The following PCDHGA4 variants were observed in gnomAD, a reference collection of about 807,000 sequenced individuals.
PCDHGA4 encodes the protein protocadherin gamma-A4.
A neutral mutation model predicts 54.6 loss-of-function variants in PCDHGA4; 38 were observed. The observed-to-expected ratio is 0.70, with a 90% confidence interval of 0.54 to 0.91. The LOEUF (loss-of-function observed/expected upper bound fraction) is 0.91, where lower values mean the gene tolerates loss of function less well. Among genes scored for constraint, PCDHGA4 ranks in the 40% least tolerant of loss-of-function variants. PCDHGA4 has a pLI of 0.00. For synonymous variants in PCDHGA4, 511 were observed against 512.9 expected (o/e 1.00, Z 0.05); for missense variants, 1,298 against 1,220.9 (o/e 1.06, Z -0.94).
In PCDHGA4 at chr5:141,431,221, A is replaced by T; in HGVS notation, c.2515-63586A>T. 6.2e-7 allele frequency: 1 copy of T among 1,614,124 alleles called. No homozygotes were observed. The highest frequency in any genetic ancestry group is 8.5e-7 in the Non-Finnish European group (1 of 1,180,026). On this transcript the variant is annotated intron_variant, in intron 1 of 3. Transcript: ENST00000571252. The surrounding 1 kb of genome is among the most constrained non-coding windows in gnomAD (Gnocchi z 4.8). Reference sequence around the variant, plus strand: ...CAGCCACTGAGATGCGGTTCCCTCTACCCCACGCCTGGGATCCGGATATCG... The same window carrying T: ...CAGCCACTGAGATGCGGTTCCCTCTTCCCCACGCCTGGGATCCGGATATCG...
intron 1 of PCDHGA4, chr5:141,415,234 A>G: frequency 1.2e-6 from 2 of 1,614,136 alleles, no homozygotes; most frequent in Non-Finnish European, 1.7e-6. Context: ...GTCTCCAGCT[A>G]ACTCTGAAAC....
chr5:141,495,900 G>A (rs1403705200), intron 2 of PCDHGA4, among the ~76,000 whole-genome samples: 2 of 151,894 alleles, frequency 1.3e-5, no homozygotes, highest in East Asian at 1.9e-4. Context: ...CTTTGTCTCT[G>A]TCTCTGTATA....
intron 1 of PCDHGA4, chr5:141,410,847 G>GTTTTTTT (rs773839667): frequency 8.8e-5 from 14 of 158,320 alleles, no homozygotes; most frequent in African/African-American, 4.2e-4. Flanking sequence ...TTTTGTCTTT[G>GTTTTTTT]TCTTTTTTTT....
chr5:141,375,784 C>A (rs562973702), intron 1 of PCDHGA4: 7 of 1,614,254 alleles, frequency 4.3e-6, no homozygotes, highest in Non-Finnish European at 5.1e-6. Flanking sequence ...ACCCCGCCCT[C>A]CCCACAGACG....
At chr5:141,428,141 G>C (rs1314061143) in intron 1 of PCDHGA4, 2 of 1,596,500 alleles carry the variant, frequency 1.3e-6, no homozygotes, top group African/African-American at 2.7e-5. Context: ...GCCTGGGGCT[G>C]CACACGGGAA....
Position 141,383,402 on chromosome 5 carries a change from A to T in PCDHGA4, c.2514+25781A>T, listed in dbSNP as rs757890929. 4.3e-6 allele frequency: 7 copies of T among 1,614,034 alleles called. No individual in the cohort carries two copies. In the Admixed American group the frequency reaches 8.3e-5, roughly 19 times the overall value. The stretch of plus-strand genomic sequence containing the variant: ...CCAGATGTGGGCACGAACTCCCTCC[A>T]GAGTTACCAGCTCAGCCCCAATCGC... On this transcript the variant is annotated intron_variant, in intron 1 of 3. Transcript: ENST00000571252.
At chr5:141,394,710 C>T in intron 1 of PCDHGA4, 1 of 1,613,354 alleles carries the variant, frequency 6.2e-7, no homozygotes. Context: ...GCGAGCCCTG[C>T]TGGACAGAGA....
At chr5:141,437,650 A>G in intron 1 of PCDHGA4, among the ~76,000 whole-genome samples, 1 of 152,314 alleles carries the variant, frequency 6.6e-6, no homozygotes, top group Non-Finnish European at 1.5e-5. Context: ...AAAAGCAAAC[A>G]CATAGTTTCG....
chr5:141,482,591 A>G lies in PCDHGA4; in HGVS notation c.2515-12216A>G, dbSNP rs115650612. Among the ~76,000 whole-genome samples the G allele has an allele frequency of 6.3e-4, 95 of 151,838 alleles. 1 individual carries two copies. The highest frequency in any genetic ancestry group is 2.3e-3 in the African/African-American group (95 of 41,350). On this transcript the variant is annotated intron_variant, in intron 1 of 3. Coordinates refer to ENST00000571252, the MANE Select transcript of PCDHGA4 (RefSeq NM_018917.4). ...ATAGCATAAGATGCAGTGGGACCAA[A>G]CGGGAAAAAACACCTAAATGAGCCT...
At chr5:141,466,450 G>T (rs139024933) in intron 1 of PCDHGA4, among the ~76,000 whole-genome samples, 1 of 152,172 alleles carries the variant, frequency 6.6e-6, no homozygotes, top group Non-Finnish European at 1.5e-5. Context: ...TGTCTATGGT[G>T]TTGGCTATTG....
chr5:141,391,230 G>C (rs2092321546), intron 1 of PCDHGA4: 1 of 152,026 alleles, frequency 6.6e-6, no homozygotes, highest in Non-Finnish European at 1.5e-5. Flanking sequence ...TGAGCCTTTT[G>C]CTAGGTATAT....
rs766151180 is a variant in PCDHGA4 at position 141,432,210 on chromosome 5, A to G, written c.2515-62597A>G. On this transcript the variant is annotated intron_variant, in intron 1 of 3. Transcript: ENST00000571252. This position sits in a 1 kb window ranked among gnomAD's most constrained non-coding sequence, Gnocchi z 6.0. Reference sequence around the variant, plus strand: ...GCCCACGACCCCGACTGTGAAGAGAACGCCCAGATCACTTATTCCCTGGCT... The same window carrying G: ...GCCCACGACCCCGACTGTGAAGAGAGCGCCCAGATCACTTATTCCCTGGCT... 1 of 1,614,138 alleles carries G rather than the reference A, an allele frequency of 6.2e-7. No individual in the cohort carries two copies. Among genetic ancestry groups the G allele is most frequent in the Non-Finnish European group, 8.5e-7 (1 of 1,180,018 alleles).
intron 1 of PCDHGA4, among the ~76,000 whole-genome samples, chr5:141,382,084 C>A (rs1777939232): frequency 6.6e-6 from 1 of 152,102 alleles, no homozygotes; most frequent in South Asian, 2.1e-4. Flanking sequence ...CCGCCTCGGC[C>A]TCACAAAGTG....
intron 1 of PCDHGA4, chr5:141,408,068 C>G: frequency 7.3e-7 from 1 of 1,367,282 alleles, no homozygotes; most frequent in Non-Finnish European, 9.7e-7. Flanking sequence ...GCTGCGCAGA[C>G]CTTTCCCAGC....
Position 141,491,964 on chromosome 5 carries a change from C to A in PCDHGA4, c.2515-2843C>A. On this transcript the variant is annotated intron_variant, in intron 1 of 3. Transcript: ENST00000571252. The surrounding 1 kb of genome is among the most constrained non-coding windows in gnomAD (Gnocchi z 6.9). ...CCCCACCCCTACACTCAAAAAAGGC[C>A]GGGGCCTCCTTCGAGCTTCCGGTGA... The A allele has an allele frequency of 1.1e-6, 1 of 943,952 alleles. No homozygotes were observed. The highest frequency in any genetic ancestry group is 1.5e-6 in the Non-Finnish European group (1 of 671,094). 58.5% of individuals were successfully genotyped at this position (943,952 alleles called of 1,614,324 possible). A position where few individuals can be genotyped will look rare whatever the true frequency, so the allele number is the denominator to read the frequency against.
chr5:141,392,614 C>T (rs1000219739), intron 1 of PCDHGA4: 3 of 532,708 alleles, frequency 5.6e-6, no homozygotes, highest in African/African-American at 1.9e-5. Flanking sequence ...ACAAATGCAA[C>T]CGAAAACACT....
chr5:141,431,194 T>C lies in PCDHGA4; in HGVS notation c.2515-63613T>C. On this transcript the variant is annotated intron_variant, in intron 1 of 3. Coordinates refer to ENST00000571252, the MANE Select transcript of PCDHGA4 (RefSeq NM_018917.4). The surrounding 1 kb of genome is among the most constrained non-coding windows in gnomAD (Gnocchi z 4.8). ...AATTAGAAATAAAAATTAGTGAAAA[T>C]GCAGCCACTGAGATGCGGTTCCCTC... The C allele has an allele frequency of 6.2e-7, 1 of 1,614,124 alleles. No homozygotes were observed.
intron 1 of PCDHGA4, chr5:141,375,550 C>T (rs770616547): frequency 2.5e-6 from 4 of 1,614,066 alleles, no homozygotes; most frequent in Middle Eastern, 1.6e-4. Context: ...AAGTCTCCTA[C>T]TCACTGGCAG....
chr5:141,486,153 C>A lies in PCDHGA4; in HGVS notation c.2515-8654C>A, dbSNP rs1330257915. On this transcript the variant is annotated intron_variant, in intron 1 of 3. Coordinates refer to ENST00000571252, the MANE Select transcript of PCDHGA4 (RefSeq NM_018917.4). This position sits in a 1 kb window ranked among gnomAD's most constrained non-coding sequence, Gnocchi z 5.0. ...GATGTGCGGGCTCGCGATGGGGGTTCTCCAGCCATGGAGCAACATTGCAGC... is the reference window on the plus strand; with the variant it reads ...GATGTGCGGGCTCGCGATGGGGGTTATCCAGCCATGGAGCAACATTGCAGC... 6.2e-7 allele frequency: 1 copy of A among 1,614,202 alleles called. No individual in the cohort carries two copies. The highest frequency in any genetic ancestry group is 1.7e-5 in the Admixed American group (1 of 60,022).
Sources: allele counts gnomAD v4.1 joint callset (sites outside exome capture counted in the v4.1 genomes callset), GRCh38; gene constraint gnomAD v4.1.1; non-coding constraint Gnocchi (gnomAD v3.1); transcripts MANE v1.5; gene names NCBI Gene and HGNC (gene_info 2026-07-23, HGNC 2026-07-21).